UAP1: variants seen among roughly 807,000 people sequenced by gnomAD.
UAP1 encodes UDP-N-acetylglucosamine pyrophosphorylase 1, also known as UDP-N-acetylhexosamine pyrophosphorylase.
A neutral mutation model predicts 58.5 loss-of-function variants in UAP1; 25 were observed. That is an observed-to-expected ratio of 0.43 (90% CI 0.31 to 0.60). UAP1 has a LOEUF of 0.60. Among genes scored for constraint, UAP1 ranks in the 20% least tolerant of loss-of-function variants. The pLI, the probability that UAP1 is intolerant of heterozygous loss-of-function variation, is 0.11. For synonymous variants in UAP1, 208 were observed against 213.0 expected (o/e 0.98, Z 0.21); for missense variants, 575 against 630.0 (o/e 0.91, Z 0.93).
At chr1:162,593,989 T>C (rs1169878716) in intron 9 of UAP1, among the ~76,000 whole-genome samples, 1 of 152,182 alleles carries the variant, frequency 6.6e-6, no homozygotes, top group Non-Finnish European at 1.5e-5. Flanking sequence ...CAATTTCTTA[T>C]AGGTGCTGTA....
chr1:162,591,765 C>T (rs548818731), intron 8 of UAP1, among the ~76,000 whole-genome samples: 5 of 151,402 alleles, frequency 3.3e-5, no homozygotes, highest in Admixed American at 2.0e-4. Flanking sequence ...GGATTACAGG[C>T]GTGAGCCGCC....
chr1:162,579,559 G>A, exon 4 of UAP1: 2 of 1,604,376 alleles, frequency 1.2e-6, no homozygotes, highest in South Asian at 2.2e-5. Context: ...AGTTTTGATG[G>A]GAAAATTATT....
exon 3 of UAP1, chr1:162,576,796 G>C (rs1187224626): frequency 6.2e-7 from 1 of 1,614,078 alleles, no homozygotes; most frequent in Non-Finnish European, 8.5e-7. Context: ...AGATTTCTCA[G>C]AATAAAGTAG....
At chr1:162,591,172 G>A (rs1022996207) in intron 8 of UAP1, among the ~76,000 whole-genome samples, 20 of 152,092 alleles carry the variant, frequency 1.3e-4, no homozygotes, top group African/African-American at 3.9e-4. Context: ...TGATCCACCC[G>A]CCTTGGCCTC....
At chr1:162,575,499 T>G (rs1175949025) in intron 2 of UAP1, among the ~76,000 whole-genome samples, 1 of 151,956 alleles carries the variant, frequency 6.6e-6, no homozygotes, top group African/African-American at 2.4e-5. Flanking sequence ...TGGTGCAGTC[T>G]TAGCTCACTG....
At chr1:162,587,085 A>G (rs1654942804) in intron 5 of UAP1, among the ~76,000 whole-genome samples, 1 of 152,196 alleles carries the variant, frequency 6.6e-6, no homozygotes, top group Non-Finnish European at 1.5e-5. Context: ...TCCCAGAGAA[A>G]TTTCATTTTA....
intron 2 of UAP1, among the ~76,000 whole-genome samples, chr1:162,572,166 G>A (rs1357061445): frequency 2.0e-5 from 3 of 152,174 alleles, no homozygotes; most frequent in Non-Finnish European, 2.9e-5. Flanking sequence ...GACTTGACTG[G>A]TTATCAGGTT....
chr1:162,599,952 AC>A (rs1655836007), downstream of UAP1: 2 of 152,192 alleles, frequency 1.3e-5, no homozygotes, highest in Non-Finnish European at 2.9e-5. Flanking sequence ...GAGTCATAGA[AC>A]TTCTTTCAGT....
intron 9 of UAP1, among the ~76,000 whole-genome samples, chr1:162,595,191 T>G (rs554650745): frequency 6.6e-6 from 1 of 152,336 alleles, no homozygotes; most frequent in East Asian, 1.9e-4. Context: ...GCTTCTGTTT[T>G]CCCTCCTTCA....
At chr1:162,593,174 A>T (rs1374194584) in intron 9 of UAP1, 1 of 202,854 alleles carries the variant, frequency 4.9e-6, no homozygotes, top group Non-Finnish European at 9.9e-6. Flanking sequence ...GTATGCTCTC[A>T]GTATACAGGC....
intron 2 of UAP1, among the ~76,000 whole-genome samples, chr1:162,574,639 C>T (rs1042270356): frequency 1.9e-4 from 29 of 152,142 alleles, no homozygotes; most frequent in African/African-American, 6.5e-4. Context: ...AAAACAAGAA[C>T]GAAACTGTTT....
intron 2 of UAP1, among the ~76,000 whole-genome samples, chr1:162,574,556 G>T (rs1481891048): frequency 6.6e-6 from 1 of 152,234 alleles, no homozygotes; most frequent in African/African-American, 2.4e-5. Flanking sequence ...GTCTGGCTTA[G>T]CCTATAATTG....
At chr1:162,580,164 G>C (rs2101784698) in intron 4 of UAP1, among the ~76,000 whole-genome samples, 1 of 152,278 alleles carries the variant, frequency 6.6e-6, no homozygotes, top group East Asian at 1.9e-4. Flanking sequence ...ACCGCGCCCA[G>C]CCATATAGCA....
At position 162,597,780 on chromosome 1, in the gene UAP1, T is replaced by G; in HGVS notation, c.1410-12T>G. ...AGCAAAGTCTTTAACACATACTTGT[T>G]TTTTTTCTTAGCTTGAAGGATGCCA... On this transcript the variant is annotated splice_polypyrimidine_tract_variant and intron_variant, in intron 9 of 10. Coordinates refer to ENST00000271469, the Ensembl canonical transcript of UAP1. 2 of 1,612,302 alleles carry G rather than the reference T, an allele frequency of 1.2e-6. No homozygotes were observed. The highest frequency in any genetic ancestry group is 1.7e-6 in the Non-Finnish European group (2 of 1,179,248).
chr1:162,590,494 C>G (rs750262079), exon 8 of UAP1: 1 of 1,600,498 alleles, frequency 6.2e-7, no homozygotes, highest in Non-Finnish European at 8.5e-7. Flanking sequence ...ATGGCTCTCG[C>G]CTTCCAGCAA....
At chr1:162,594,450 G>T (rs1475162432) in intron 9 of UAP1, among the ~76,000 whole-genome samples, 1 of 152,100 alleles carries the variant, frequency 6.6e-6, no homozygotes, top group Admixed American at 6.6e-5. Flanking sequence ...CTCATCTCCT[G>T]GTGTGTGATC....
chr1:162,588,894 TC>T, intron 7 of UAP1, 61 bp downstream of exon 7: 2 of 1,503,502 alleles, frequency 1.3e-6, no homozygotes, highest in Non-Finnish European at 1.8e-6. Flanking sequence ...CTTTTCACTC[TC>T]TTAGGCATGA....
intron 9 of UAP1, among the ~76,000 whole-genome samples, chr1:162,594,053 A>G (rs1297065682): frequency 6.6e-6 from 1 of 152,144 alleles, no homozygotes; most frequent in Non-Finnish European, 1.5e-5. Context: ...GTGGAAGACA[A>G]TTTTTCCACA....
rs1035617617 is a variant in UAP1 at position 162,566,447 on chromosome 1, C to T, written c.280+99C>T. On this transcript the variant is annotated intron_variant, in intron 2 of 10. Transcript: ENST00000271469. ...GTCACTAATATTTTGATTCATACTA[C>T]ATTAAACCAGGTGACCTAGCAGAAA... The T allele has an allele frequency of 3.2e-6, 4 of 1,264,026 alleles. No individual in the cohort carries two copies. In the African/African-American group the frequency reaches 4.5e-5, roughly 14 times the overall value. The allele number at this position is 1,264,026 out of a possible 1,614,324, so 78.3% of individuals were successfully genotyped here. A position where few individuals can be genotyped will look rare whatever the true frequency, so the allele number is the denominator to read the frequency against.
Sources: gnomAD v4.1 joint callset for allele counts (sites outside exome capture counted in the v4.1 genomes callset) on GRCh38, gnomAD v4.1.1 for gene constraint, MANE v1.5 for transcripts, NCBI Gene and HGNC (gene_info 2026-07-23, HGNC 2026-07-21) for gene names.